IFT81: variants seen among roughly 807,000 people sequenced by gnomAD.
IFT81 encodes intraflagellar transport protein 81 homolog.
Under a neutral mutation model 102.6 loss-of-function variants are expected in IFT81, and 72 were observed. That is an observed-to-expected ratio of 0.70 (90% CI 0.58 to 0.85). The LOEUF is 0.85. IFT81 is among the 40% of genes least tolerant of loss of function. IFT81 has a pLI of 0.00. For missense variants in IFT81, 723 were observed against 787.3 expected (o/e 0.92, Z 0.98); for synonymous variants, 237 against 242.7 (o/e 0.98, Z 0.22).
intron 8 of IFT81, among the ~76,000 whole-genome samples, chr12:110,138,553 C>T (rs187620851): frequency 3.3e-5 from 5 of 152,076 alleles, no homozygotes; most frequent in Non-Finnish European, 7.4e-5. Context: ...CTGCCTCAGC[C>T]TCTGGAGTAG....
chr12:110,195,914 G>A (rs1897979748), intron 14 of IFT81, among the ~76,000 whole-genome samples: 1 of 152,132 alleles, frequency 6.6e-6, no homozygotes, highest in African/African-American at 2.4e-5. Context: ...AGGGTTAAAT[G>A]TAGCTATGGA....
rs767705291 is a variant in IFT81, at chr12:110,135,379, G to A, written c.638G>A (p.Arg213Gln). The A allele has an allele frequency of 3.1e-6, 5 of 1,613,224 alleles. No homozygotes were observed. In the East Asian group the frequency reaches 6.7e-5, roughly 22 times the overall value. Residue 213 changes from arginine to glutamine, a missense_variant, in exon 7 of 19, where the codon CGA becomes CAA. Transcript: ENST00000242591. ...QWMLKIARQL[R>Q]VEKEREEYLA... The stretch of plus-strand genomic sequence containing the variant: ...ATGCTTAAAATAGCAAGGCAACTTC[G>A]AGTTGAAAAAGAGAGAGAAGAATAT...
chr12:110,144,958 T>C (rs1895125863), intron 9 of IFT81, among the ~76,000 whole-genome samples: 1 of 148,064 alleles, frequency 6.8e-6, no homozygotes, highest in African/African-American at 2.5e-5. Flanking sequence ...CTCCACCTTC[T>C]GGGTTCAAGC....
Position 110,165,089 on chromosome 12 carries a change from A to G in IFT81, c.1188+2024A>G, listed in dbSNP as rs201635563. On this transcript the variant is annotated intron_variant, in intron 11 of 18. Transcript: ENST00000242591. ...ATAGGAGACGGATCCAATGACAGGG[A>G]AAAAAAAAAGCAGTCTTTTTTTTTA... 8.7e-5 allele frequency among the ~76,000 whole-genome samples: 13 copies of G among 148,840 alleles called. No homozygotes were observed. The East Asian group carries it at 9.8e-4, about 11-fold the overall frequency.
intron 11 of IFT81, among the ~76,000 whole-genome samples, chr12:110,178,379 A>C (rs1207330099): frequency 6.7e-6 from 1 of 148,964 alleles, no homozygotes; most frequent in Non-Finnish European, 1.5e-5. Context: ...GTGCGGCTGC[A>C]CTCCAGCCTT....
intron 11 of IFT81, among the ~76,000 whole-genome samples, chr12:110,172,942 T>TGGCA (rs1896822028): frequency 8.7e-6 from 1 of 114,418 alleles, no homozygotes; most frequent in Admixed American, 8.3e-5. Flanking sequence ...GGGAGGGAGG[T>TGGCA]GGGGGTCAGC....
intron 5 of IFT81, among the ~76,000 whole-genome samples, chr12:110,134,113 G>T (rs373557588): frequency 1.3e-4 from 20 of 152,220 alleles, no homozygotes; most frequent in African/African-American, 4.3e-4. Flanking sequence ...CGATTCTCCT[G>T]CCTCAGCCTC....
intron 8 of IFT81, among the ~76,000 whole-genome samples, chr12:110,138,495 C>T (rs1241383768): frequency 6.7e-6 from 1 of 149,924 alleles, no homozygotes; most frequent in African/African-American, 2.5e-5. Flanking sequence ...TGCAGTGGTG[C>T]AATCTTAGCT....
At chr12:110,171,100 T>C (rs958373969) in intron 11 of IFT81, among the ~76,000 whole-genome samples, 1 of 152,194 alleles carries the variant, frequency 6.6e-6, no homozygotes, top group African/African-American at 2.4e-5. Context: ...TTGTACTCTT[T>C]AGAGTTCATA....
At chr12:110,191,147 C>A in intron 13 of IFT81, 99 bp downstream of exon 13, 80 of 938,378 alleles carry the variant, frequency 8.5e-5, no homozygotes, top group Non-Finnish European at 1.1e-4. Flanking sequence ...CTGTTAATTT[C>A]TGCACATTAC....
At chr12:110,206,599 C>G (rs989547802) in intron 17 of IFT81, among the ~76,000 whole-genome samples, 1 of 151,512 alleles carries the variant, frequency 6.6e-6, no homozygotes, top group South Asian at 2.1e-4. Context: ...CGCTTGAACC[C>G]GGGGAGCAGG....
At chr12:110,197,555 CATATATATATATAT>C (rs141544205) in intron 14 of IFT81, among the ~76,000 whole-genome samples, 5 of 108,818 alleles carry the variant, frequency 4.6e-5, no homozygotes, top group African/African-American at 1.3e-4. Context: ...AGGTTTTTAT[CATATATATATATAT>C]ATATATATAT....
intron 10 of IFT81, among the ~76,000 whole-genome samples, chr12:110,152,273 A>T (rs568323889): frequency 6.6e-6 from 1 of 152,152 alleles, no homozygotes; most frequent in Admixed American, 6.6e-5. Flanking sequence ...TCCCATCCAC[A>T]GTGTACCAGA....
chr12:110,132,623 C>A lies in IFT81; in HGVS notation c.506C>A (p.Ala169Glu). ...CTCAAGATATCTGGATTTTCTACAG[C>A]AGAAATAAGAAAGGTAAAGGAAAGA... ...EQLKISGFST[A>E]EIRKDISAME... Residue 169 changes from alanine to glutamate, a missense_variant, in exon 5 of 19, where the codon GCA (alanine) becomes GAA (glutamate). Ala to Glu is a moderately radical substitution (Grantham distance 107, BLOSUM62 -1). Transcript: ENST00000242591. 1 of 1,554,842 alleles carries A rather than the reference C, an allele frequency of 6.4e-7. No individual in the cohort carries two copies. The highest frequency in any genetic ancestry group is 8.8e-7 in the Non-Finnish European group (1 of 1,135,150).
intron 7 of IFT81, 79 bp downstream of exon 7, chr12:110,135,516 TA>T (rs1566105780): frequency 1.2e-6 from 1 of 840,244 alleles, no homozygotes; most frequent in African/African-American, 1.7e-5. Context: ...AAAAGAGTTT[TA>T]AAATTGTAGA....
intron 10 of IFT81, among the ~76,000 whole-genome samples, chr12:110,155,836 A>G (rs548083676): frequency 9.3e-4 from 141 of 151,792 alleles, no homozygotes; most frequent in Non-Finnish European, 1.8e-3. Flanking sequence ...TCCTTTGTGT[A>G]TATTCTATAG....
At chr12:110,165,244 CA>C (rs775019098) in intron 11 of IFT81, among the ~76,000 whole-genome samples, 96 of 152,204 alleles carry the variant, frequency 6.3e-4, no homozygotes, top group South Asian at 1.2e-3. Context: ...GAACATTAAG[CA>C]TAATTTTATA....
intron 14 of IFT81, among the ~76,000 whole-genome samples, chr12:110,202,211 G>C (rs186924673): frequency 1.2e-3 from 189 of 152,186 alleles, no homozygotes; most frequent in African/African-American, 4.4e-3. Context: ...GATTTTTTCA[G>C]CTCCATTATA....
chr12:110,152,561 G>C (rs575861491), intron 10 of IFT81, among the ~76,000 whole-genome samples: 5 of 151,678 alleles, frequency 3.3e-5, no homozygotes, highest in Non-Finnish European at 5.9e-5. Flanking sequence ...TTTGAATTGG[G>C]TTGTTTGGTT....
Sources: gnomAD v4.1 joint callset for allele counts (sites outside exome capture counted in the v4.1 genomes callset) on GRCh38, gnomAD v4.1.1 for gene constraint, MANE v1.5 for transcripts, NCBI Gene and HGNC (gene_info 2026-07-23, HGNC 2026-07-21) for gene names.